The following PALM2AKAP2 variants were observed in gnomAD, a reference collection of about 807,000 sequenced individuals.
PALM2AKAP2 encodes the protein PALM2-AKAP2 fusion protein.
A neutral mutation model predicts 71.5 loss-of-function variants in PALM2AKAP2; 37 were observed. The ratio of observed to expected loss-of-function variants is 0.52; its 90% CI spans 0.40 to 0.68. PALM2AKAP2 has a LOEUF of 0.68. PALM2AKAP2 is among the 30% of genes least tolerant of loss of function. The pLI, the probability that PALM2AKAP2 is intolerant of heterozygous loss-of-function variation, is 0.00. For synonymous variants in PALM2AKAP2, 468 were observed against 478.8 expected, an observed-to-expected ratio of 0.98 and a Z score of 0.29; for missense variants, 1,224 against 1,191.8, an observed-to-expected ratio of 1.03 and a Z score of -0.40.
chr9:110,034,283 A>G (rs1187406990), intron 7 of PALM2AKAP2, among the ~76,000 whole-genome samples: 4 of 151,576 alleles, frequency 2.6e-5, no homozygotes, highest in Admixed American at 6.6e-5. Context: ...TCAGTCTCCT[A>G]AGTAGCTGGG....
chr9:109,925,041 C>T lies in PALM2AKAP2; in HGVS notation c.373-20C>T, dbSNP rs780987814. ...CCCCCACATGTAGAGTAACGCTCTG[C>T]CTTGTTTTTGTTCCTACAGGGTTTC... is the stretch of plus-strand genomic sequence containing the variant. On this transcript the variant is annotated intron_variant, in intron 4 of 9. Transcript: ENST00000302798. 9 of 1,613,934 alleles carry T rather than the reference C, an allele frequency of 5.6e-6. No homozygotes were observed. The East Asian group carries it at 1.8e-4, about 32-fold the overall frequency.
intron 1 of PALM2AKAP2, among the ~76,000 whole-genome samples, chr9:110,096,161 C>T (rs10980197): frequency 0.22 from 34,015 of 152,146 alleles, 5,130 homozygotes; most frequent in African/African-American, 0.42. Context: ...GGTCCAAAGG[C>T]CTCTGGCTCT....
chr9:109,758,599 A>T (rs7032856), intron 1 of PALM2AKAP2, among the ~76,000 whole-genome samples: 79,115 of 137,036 alleles, frequency 0.58, 20,904 homozygotes, highest in South Asian at 0.72. Context: ...TATTTGTATT[A>T]TTTTTTGCAG....
At chr9:110,162,057 G>A in intron 3 of PALM2AKAP2, 37 bp from the exon 10 acceptor site, 1 of 1,612,418 alleles carries the variant, frequency 6.2e-7, no homozygotes, top group Non-Finnish European at 8.5e-7. Context: ...GTGTGTCACT[G>A]CCATGTACTA....
chr9:109,850,663 A>G (rs564183785), intron 1 of PALM2AKAP2, among the ~76,000 whole-genome samples: 1 of 152,338 alleles, frequency 6.6e-6, no homozygotes, highest in African/African-American at 2.4e-5. Flanking sequence ...ACTTGTGGCT[A>G]AAGCCCAGAC....
At chr9:109,658,454 T>C (rs1827340862) in intron 1 of PALM2AKAP2, among the ~76,000 whole-genome samples, 1 of 152,214 alleles carries the variant, frequency 6.6e-6, no homozygotes, top group African/African-American at 2.4e-5. Context: ...AATATGTTCA[T>C]GTCTCAAGGG....
intron 3 of PALM2AKAP2, among the ~76,000 whole-genome samples, chr9:109,918,110 G>C (rs971817417): frequency 1.3e-5 from 2 of 152,132 alleles, no homozygotes; most frequent in South Asian, 4.1e-4. Context: ...TGTTCACATG[G>C]CTGTTTGCAT....
intron 1 of PALM2AKAP2, among the ~76,000 whole-genome samples, chr9:109,789,026 A>G (rs1291449834): frequency 1.3e-5 from 2 of 152,146 alleles, no homozygotes; most frequent in Non-Finnish European, 2.9e-5. Flanking sequence ...ATAAAGTGAG[A>G]TATCTGTTGG....
chr9:110,034,300 A>G (rs1833340285), intron 7 of PALM2AKAP2, among the ~76,000 whole-genome samples: 1 of 152,062 alleles, frequency 6.6e-6, no homozygotes, highest in African/African-American at 2.4e-5. Flanking sequence ...TGGGATTTAC[A>G]GGCATGTGCC....
intron 1 of PALM2AKAP2, among the ~76,000 whole-genome samples, chr9:109,742,294 C>T (rs940778575): frequency 2.3e-5 from 3 of 131,364 alleles, no homozygotes; most frequent in Non-Finnish European, 5.0e-5. Flanking sequence ...CACACACACA[C>T]ACACACACTC....
chr9:109,732,636 G>T (rs1370347708), intron 1 of PALM2AKAP2, among the ~76,000 whole-genome samples: 1 of 152,172 alleles, frequency 6.6e-6, no homozygotes, highest in African/African-American at 2.4e-5. Context: ...TGATGATACG[G>T]TGATTACCTT....
chr9:109,863,914 T>C (rs557916849), intron 1 of PALM2AKAP2, among the ~76,000 whole-genome samples: 47 of 152,254 alleles, frequency 3.1e-4, no homozygotes, highest in African/African-American at 1.1e-3. Context: ...ACCCCATCTC[T>C]AGTAAAAATA....
intron 3 of PALM2AKAP2, among the ~76,000 whole-genome samples, chr9:109,883,600 C>G (rs1829904039): frequency 6.6e-6 from 1 of 152,216 alleles, no homozygotes; most frequent in African/African-American, 2.4e-5. Context: ...CTTTAATCTT[C>G]AATCCCATGG....
At chr9:110,017,138 C>G (rs374140369) in intron 7 of PALM2AKAP2, among the ~76,000 whole-genome samples, 13 of 152,304 alleles carry the variant, frequency 8.5e-5, no homozygotes, top group African/African-American at 3.1e-4. Context: ...CTTGGCCTCC[C>G]AAAGTGCTGG....
At chr9:110,089,930 A>G (rs1834666838) in intron 1 of PALM2AKAP2, among the ~76,000 whole-genome samples, 1 of 152,198 alleles carries the variant, frequency 6.6e-6, no homozygotes, top group South Asian at 2.1e-4. Context: ...TAAAACAACA[A>G]CAACAAAAAA....
At chr9:109,718,369 A>G (rs760624055) in intron 1 of PALM2AKAP2, among the ~76,000 whole-genome samples, 14 of 152,068 alleles carry the variant, frequency 9.2e-5, no homozygotes, top group Non-Finnish European at 8.8e-5. Flanking sequence ...GCCCGGCCCC[A>G]GTTACCTTCT....
intron 1 of PALM2AKAP2, among the ~76,000 whole-genome samples, chr9:109,865,026 C>T (rs1398131676): frequency 1.3e-5 from 2 of 151,110 alleles, no homozygotes; most frequent in South Asian, 4.2e-4. Flanking sequence ...TGCATTTCTA[C>T]CCTTGTTCAC....
intron 1 of PALM2AKAP2, among the ~76,000 whole-genome samples, chr9:109,753,655 A>G (rs1327790): frequency 0.3 from 46,329 of 152,042 alleles, 7,216 homozygotes; most frequent in Middle Eastern, 0.4. Flanking sequence ...ATGCTTTTCC[A>G]TATATCATGG....
chr9:109,974,795 C>T (rs569603719), intron 6 of PALM2AKAP2, among the ~76,000 whole-genome samples: 1 of 152,228 alleles, frequency 6.6e-6, no homozygotes, highest in South Asian at 2.1e-4. Context: ...ACAGAGATGG[C>T]ATGTGTGCTG....
Sources: gnomAD v4.1 joint callset for allele counts (sites outside exome capture counted in the v4.1 genomes callset) on GRCh38, gnomAD v4.1.1 for gene constraint, MANE v1.5 for transcripts, NCBI Gene and HGNC (gene_info 2026-07-23, HGNC 2026-07-21) for gene names.